Variants in CBFA2T3 observed in about 807,000 individuals in gnomAD.
CBFA2T3 encodes the protein CBFA2/RUNX1 partner transcriptional co-repressor 3.
In CBFA2T3, 31 loss-of-function variants were observed where a neutral mutation model predicts 58.6. The ratio of observed to expected loss-of-function variants is 0.53; its 90% CI spans 0.40 to 0.71. The LOEUF is 0.71. CBFA2T3 is among the 30% of genes least tolerant of loss of function. CBFA2T3 has a pLI of 0.00. For synonymous variants in CBFA2T3, 531 were observed against 421.9 expected (o/e 1.26, Z -3.17); for missense variants, 1,076 against 963.1 (o/e 1.12, Z -1.55).
Position 88,976,784 on chromosome 16 carries a change from G to GAC in CBFA2T3, c.23_24insGT (p.Asp8GlufsTer63). On this transcript the variant is annotated frameshift_variant, in exon 1 of 12. Transcript: ENST00000268679. LOFTEE classifies it high-confidence loss of function. ...ATCCCGAGGCTGAACTGGCTGCCCTGTCCCTCAGTCTTGAAGCCGGCATGA... is the reference window on the plus strand; with the variant it reads ...ATCCCGAGGCTGAACTGGCTGCCCTGACTCCCTCAGTCTTGAAGCCGGCATGA... 3.2e-6 allele frequency: 5 copies of GAC among 1,555,524 alleles called. No individual in the cohort carries two copies. Among genetic ancestry groups the GAC allele is most frequent in the Non-Finnish European group, 4.4e-6 (5 of 1,149,194 alleles).
intron 1 of CBFA2T3, among the ~76,000 whole-genome samples, chr16:88,955,937 C>T (rs1055813502): frequency 2.0e-5 from 3 of 149,628 alleles, no homozygotes; most frequent in East Asian, 4.0e-4. Context: ...CTCCTGACCC[C>T]GCCCAAGGCT....
In CBFA2T3 at chr16:88,885,086, G is replaced by A. The variant is rs772345679; in HGVS notation, c.1077C>T (p.His359=). The A allele has an allele frequency of 6.2e-7, 1 of 1,602,248 alleles. No individual in the cohort carries two copies. Among genetic ancestry groups the A allele is most frequent in the Non-Finnish European group, 8.5e-7 (1 of 1,177,634 alleles). The change falls in exon 7 of 12, where the codon CAC becomes CAT. Residue 359 remains histidine (H), a synonymous_variant. Coordinates refer to ENST00000268679, the MANE Select transcript of CBFA2T3 (RefSeq NM_005187.6). The surrounding 1 kb of genome is among the most constrained non-coding windows in gnomAD (Gnocchi z 5.3). ...GCTCTCGTAGCTCCCGGGGGTCTGG[G>A]TGGCGGTAGGCATCTCGGAAGTGGT... is the stretch of plus-strand genomic sequence containing the variant. ...MAHHFRDAYR[H]PDPRELRERH...
At chr16:88,921,798 T>A (rs868372832) in intron 1 of CBFA2T3, among the ~76,000 whole-genome samples, 20 of 152,354 alleles carry the variant, frequency 1.3e-4, no homozygotes, top group Middle Eastern at 3.4e-3. Context: ...AGTTGCTTCC[T>A]CGGCGGCACC....
At chr16:88,905,288 C>G (rs1250325329) in intron 1 of CBFA2T3, among the ~76,000 whole-genome samples, 2 of 152,132 alleles carry the variant, frequency 1.3e-5, no homozygotes, top group African/African-American at 4.8e-5. Flanking sequence ...CCATGACACC[C>G]ATCTCCCTGC....
At chr16:88,946,169 G>A (rs532654069) in intron 1 of CBFA2T3, among the ~76,000 whole-genome samples, 160 of 152,194 alleles carry the variant, frequency 1.1e-3, no homozygotes, top group African/African-American at 3.4e-3. Flanking sequence ...TTAGCTGGGC[G>A]TGGTGGCGGT....
At chr16:88,890,934 G>A (rs530293138) in intron 5 of CBFA2T3, among the ~76,000 whole-genome samples, 5 of 152,274 alleles carry the variant, frequency 3.3e-5, no homozygotes, top group East Asian at 3.9e-4. Flanking sequence ...GGCTGGTCTT[G>A]AACTCCTGGC....
chr16:88,876,289 A>T lies in CBFA2T3; in HGVS notation c.*687T>A, dbSNP rs935128966. Reference sequence around the variant, plus strand: ...TTAAAGCCAAAGAGTTTAACATTACAGGAAAAAAAAATCTGAAACCAAAAA... The same window carrying T: ...TTAAAGCCAAAGAGTTTAACATTACTGGAAAAAAAAATCTGAAACCAAAAA... On this transcript the variant is annotated 3_prime_UTR_variant, in exon 12 of 12. Transcript: ENST00000268679. The T allele has an allele frequency of 4.4e-6, 1 of 228,078 alleles. No homozygotes were observed. Among genetic ancestry groups the T allele is most frequent in the East Asian group, 6.3e-5 (1 of 15,888 alleles). The allele number at this position is 228,078 out of a possible 1,614,324, so 14.1% of individuals were successfully genotyped here.
intron 3 of CBFA2T3, 27 bp downstream of exon 3, chr16:88,898,051 G>A (rs1567590466): frequency 3.8e-6 from 6 of 1,559,564 alleles, no homozygotes; most frequent in South Asian, 2.2e-5. Flanking sequence ...CTCTGGGGAG[G>A]CCTGCGGTTT....
intron 3 of CBFA2T3, among the ~76,000 whole-genome samples, chr16:88,893,021 G>A (rs568563737): frequency 1.1e-4 from 16 of 152,158 alleles, no homozygotes; most frequent in African/African-American, 3.9e-4. Flanking sequence ...TTCTCCACAC[G>A]TCGGGGGCTT....
intron 1 of CBFA2T3, chr16:88,937,379 T>C: frequency 6.5e-6 from 1 of 152,922 alleles, no homozygotes; most frequent in Non-Finnish European, 1.5e-5. Context: ...TGCACCTCCC[T>C]AGCCAGTACC....
At chr16:88,880,669 G>A in intron 10 of CBFA2T3, 51 bp downstream of exon 10, 2 of 1,465,530 alleles carry the variant, frequency 1.4e-6, no homozygotes, top group African/African-American at 2.9e-5. Context: ...GCGCATCTGG[G>A]GCCCTGGCCT....
rs201395224 is a variant in CBFA2T3, at chr16:88,901,557, G to T, written c.251C>A (p.Pro84Gln). The T allele has an allele frequency of 6.8e-7, 1 of 1,474,070 alleles. No homozygotes were observed. The allele number at this position is 1,474,070 out of a possible 1,614,324, so 91.3% of individuals were successfully genotyped here. ...RSTPPSMPPP[P>Q]PAASQGATRP... ...TGTGGCCCCCTGGGATGCGGCAGGCGGTGGGGGCGGCATGCTGGGGGGTGT... is the reference window on the plus strand; with the variant it reads ...TGTGGCCCCCTGGGATGCGGCAGGCTGTGGGGGCGGCATGCTGGGGGGTGT... Residue 84 changes from proline to glutamine, a missense_variant, in exon 2 of 12, where the codon CCG becomes CAG. By Grantham distance (76) the Pro-to-Gln change is moderately conservative. Transcript: ENST00000268679.
intron 1 of CBFA2T3, among the ~76,000 whole-genome samples, chr16:88,975,780 C>T (rs939099572): frequency 1.2e-4 from 18 of 152,240 alleles, no homozygotes; most frequent in Admixed American, 3.9e-4. Flanking sequence ...AGGCAGCCGC[C>T]GCCAGGACCT....
intron 1 of CBFA2T3, among the ~76,000 whole-genome samples, chr16:88,924,340 C>T (rs1389503833): frequency 6.6e-6 from 1 of 152,226 alleles, no homozygotes; most frequent in Non-Finnish European, 1.5e-5. Context: ...ACAAGCTCCG[C>T]CCTGGCCCTG....
rs1480157509 is a variant in CBFA2T3 at position 88,958,295 on chromosome 16, T to C, written c.151+18362A>G. On this transcript the variant is annotated intron_variant, in intron 1 of 11. Transcript: ENST00000268679. The surrounding 1 kb of genome is among the most constrained non-coding windows in gnomAD (Gnocchi z 4.0). ...GAAGCTTTGAGCTTCCTCAAAAAGC[T>C]ATTTTGAGCCTAAAATAGCTTCAAG... is the stretch of plus-strand genomic sequence containing the variant. Among the ~76,000 whole-genome samples, 2 of 151,550 alleles carry C rather than the reference T, an allele frequency of 1.3e-5. No homozygotes were observed. The highest frequency in any genetic ancestry group is 3.0e-5 in the Non-Finnish European group (2 of 67,662).
chr16:88,921,301 T>C (rs952106178), intron 1 of CBFA2T3, among the ~76,000 whole-genome samples: 1 of 152,254 alleles, frequency 6.6e-6, no homozygotes, highest in African/African-American at 2.4e-5. Flanking sequence ...TTTTAATTAC[T>C]CTGTTAATTA....
rs1212836603 is a variant in CBFA2T3, at chr16:88,882,829, C to T, written c.1118-68G>A. ...AGTCTCTGCCCTATTCTCCCAGACCCCGCCCTCTGCTCCCAGGCCCCACCC... is the reference window on the plus strand; with the variant it reads ...AGTCTCTGCCCTATTCTCCCAGACCTCGCCCTCTGCTCCCAGGCCCCACCC... On this transcript the variant is annotated intron_variant, in intron 7 of 11. Coordinates refer to ENST00000268679, the MANE Select transcript of CBFA2T3 (RefSeq NM_005187.6). 10 of 1,075,174 alleles carry T rather than the reference C, an allele frequency of 9.3e-6. No homozygotes were observed. In the East Asian group the frequency reaches 2.6e-4, roughly 28 times the overall value. 66.6% of individuals were successfully genotyped at this position (1,075,174 alleles called of 1,614,324 possible). A position where few individuals can be genotyped will look rare whatever the true frequency, so the allele number is the denominator to read the frequency against.
chr16:88,884,921 G>A (rs1969295386), intron 7 of CBFA2T3, 125 bp downstream of exon 7: 1 of 681,178 alleles, frequency 1.5e-6, no homozygotes, highest in East Asian at 3.1e-5. Context: ...GGGGGAAGGG[G>A]TCTCCCGAGC....
intron 1 of CBFA2T3, among the ~76,000 whole-genome samples, chr16:88,916,562 A>G (rs1481806151): frequency 2.1e-5 from 3 of 141,536 alleles, no homozygotes; most frequent in Non-Finnish European, 4.5e-5. Context: ...GCTGCAGAAC[A>G]CTCCGGCCTG....
Sources: gnomAD v4.1 joint callset for allele counts (sites outside exome capture counted in the v4.1 genomes callset) on GRCh38, gnomAD v4.1.1 for gene constraint, Gnocchi (gnomAD v3.1) non-coding constraint, MANE v1.5 for transcripts, NCBI Gene and HGNC (gene_info 2026-07-23, HGNC 2026-07-21) for gene names.